LIPC: variants seen among roughly 807,000 people sequenced by gnomAD.
LIPC encodes the protein lipase C, hepatic type, also known as hepatic triacylglycerol lipase.
LIPC carries 44 observed loss-of-function variants against 50.7 expected under a neutral mutation model. The observed-to-expected ratio is 0.87, with a 90% CI of 0.68 to 1.11. The LOEUF is 1.11. Among genes scored for constraint, LIPC ranks in the 50% most tolerant of loss-of-function variants. The probability of loss-of-function intolerance (pLI) is 0.00; values close to 1 mark genes in which losing one functional copy is unlikely to be tolerated. For synonymous variants in LIPC, 271 were observed against 256.4 expected (o/e 1.06, Z -0.54); for missense variants, 697 against 648.2 (o/e 1.08, Z -0.82).
intron 7 of LIPC, 63 bp downstream of exon 7, chr15:58,561,044 G>T: frequency 1.2e-6 from 1 of 863,816 alleles, no homozygotes; most frequent in South Asian, 1.3e-5. Context: ...GAACATAAAT[G>T]GACTCTGTAA....
chr15:58,546,018 A>C, intron 5 of LIPC, 43 bp downstream of exon 5: 1 of 1,468,994 alleles, frequency 6.8e-7, no homozygotes, highest in Non-Finnish European at 9.5e-7. Flanking sequence ...CCTACATTTC[A>C]ATGGGGCCTC....
chr15:58,568,425 C>T (rs775487883), intron 8 of LIPC, among the ~76,000 whole-genome samples: 13 of 152,186 alleles, frequency 8.5e-5, no homozygotes, highest in Non-Finnish European at 1.5e-4. Context: ...CTCAAATCTT[C>T]GATGAGCTGT....
At chr15:58,482,936 A>C (rs916461002) in intron 1 of LIPC, among the ~76,000 whole-genome samples, 2 of 152,132 alleles carry the variant, frequency 1.3e-5, no homozygotes, top group Non-Finnish European at 2.9e-5. Flanking sequence ...CTGGGTGGTG[A>C]TTCCTGAGGC....
chr15:58,530,670 A>T (rs1162983140), intron 1 of LIPC, among the ~76,000 whole-genome samples: 2 of 151,902 alleles, frequency 1.3e-5, no homozygotes, highest in Non-Finnish European at 1.5e-5. Context: ...GTTAATCCCC[A>T]CCCCATTCCC....
intron 1 of LIPC, among the ~76,000 whole-genome samples, chr15:58,499,735 A>C (rs1891907562): frequency 6.6e-6 from 1 of 152,162 alleles, no homozygotes. Flanking sequence ...CGAAATGCTA[A>C]ATCTGTCTTC....
chr15:58,444,312 C>A (rs914206239), intron 1 of LIPC, among the ~76,000 whole-genome samples: 1 of 152,178 alleles, frequency 6.6e-6, no homozygotes, highest in Admixed American at 6.5e-5. Context: ...GGAAGATAAA[C>A]AAACGACCAG....
rs1336671279 is a variant in LIPC, at chr15:58,482,875, T to C, written c.88+50755T>C. 1.3e-5 allele frequency among the ~76,000 whole-genome samples: 2 copies of C among 152,198 alleles called. 1 individual carries two copies. The highest frequency in any genetic ancestry group is 4.8e-5 in the African/African-American group (2 of 41,450). On this transcript the variant is annotated intron_variant, in intron 1 of 8. Coordinates refer to ENST00000299022, the MANE Select transcript of LIPC (RefSeq NM_000236.3). ...CTGTATTTGAGGCCTGACTCTGCCA[T>C]TAACTGAGCCTCCTGGAGTGATTCG... is the stretch of plus-strand genomic sequence containing the variant.
intron 8 of LIPC, among the ~76,000 whole-genome samples, chr15:58,567,332 T>C (rs55958643): frequency 0.046 from 879 of 19,182 alleles, 14 homozygotes; most frequent in East Asian, 0.15. Context: ...TGTATATATA[T>C]ATATATGTAT....
chr15:58,556,976 C>T (rs1304713930), intron 6 of LIPC, among the ~76,000 whole-genome samples: 1 of 152,196 alleles, frequency 6.6e-6, no homozygotes. Flanking sequence ...ATCATAATTG[C>T]TGTTATTAGT....
intron 2 of LIPC, among the ~76,000 whole-genome samples, chr15:58,540,601 G>C (rs538168287): frequency 1.3e-5 from 2 of 152,044 alleles, no homozygotes; most frequent in South Asian, 4.2e-4. Flanking sequence ...AGGCCCTCAG[G>C]GGAGCTCTCC....
At chr15:58,501,641 A>T (rs1891988496) in intron 1 of LIPC, among the ~76,000 whole-genome samples, 1 of 152,218 alleles carries the variant, frequency 6.6e-6, no homozygotes. Context: ...CACAAGGAAG[A>T]GTACATTAAC....
At position 58,504,860 on chromosome 15, in the gene LIPC, G is replaced by A. The variant is rs567727011; in HGVS notation, c.89-33473G>A. Among the ~76,000 whole-genome samples, 6 of 152,234 alleles carry A rather than the reference G, an allele frequency of 3.9e-5. No homozygotes were observed. The South Asian group carries it at 8.3e-4, about 21-fold the overall frequency. On this transcript the variant is annotated intron_variant, in intron 1 of 8. Transcript: ENST00000299022. ...ATTATCCTATCTCGAGGAGAGCTGCGCATGCTGTACCCTGTTTTACATGGC... is the reference window on the plus strand; with the variant it reads ...ATTATCCTATCTCGAGGAGAGCTGCACATGCTGTACCCTGTTTTACATGGC...
Position 58,568,720 on chromosome 15 carries a change from A to C in LIPC, c.1393A>C (p.Thr465Pro), listed in dbSNP as rs1894465246. 2 of 1,577,492 alleles carry C rather than the reference A, an allele frequency of 1.3e-6. No individual in the cohort carries two copies. The highest frequency in any genetic ancestry group is 2.7e-5 in the African/African-American group (2 of 74,344). ...VKAGETQQRM[T>P]FCSENTDDLL... Reference sequence around the variant, plus strand: ...TGCTTCCTGTTTTCTATTCAGAATGACATTTTGTTCAGAAAACACAGATGA... The same window carrying C: ...TGCTTCCTGTTTTCTATTCAGAATGCCATTTTGTTCAGAAAACACAGATGA... The change falls in exon 9 of 9, where the codon ACA becomes CCA. Residue 465 changes from threonine (T) to proline (P), a missense_variant. Thr to Pro is a conservative substitution (Grantham distance 38). Transcript: ENST00000299022.
chr15:58,556,725 G>A (rs1319284419), intron 6 of LIPC, among the ~76,000 whole-genome samples: 1 of 152,148 alleles, frequency 6.6e-6, no homozygotes. Context: ...TAAATCACAT[G>A]TTTGGGACAA....
chr15:58,506,219 G>A (rs1192484494), intron 1 of LIPC, among the ~76,000 whole-genome samples: 1 of 152,202 alleles, frequency 6.6e-6, no homozygotes, highest in African/African-American at 2.4e-5. Flanking sequence ...GGGAGAGGCT[G>A]TGCAGAAAGG....
chr15:58,518,876 G>A (rs1277879769), intron 1 of LIPC, among the ~76,000 whole-genome samples: 1 of 151,764 alleles, frequency 6.6e-6, no homozygotes, highest in Non-Finnish European at 1.5e-5. Flanking sequence ...TGGTGGTTAC[G>A]GTGGTTGTAA....
intron 4 of LIPC, among the ~76,000 whole-genome samples, chr15:58,544,693 G>A (rs191860163): frequency 2.6e-5 from 4 of 152,252 alleles, no homozygotes; most frequent in East Asian, 3.9e-4. Flanking sequence ...CACCGCACCC[G>A]GCCAAGGACA....
chr15:58,459,966 C>G (rs968040086), intron 1 of LIPC, among the ~76,000 whole-genome samples: 1 of 152,210 alleles, frequency 6.6e-6, no homozygotes, highest in Non-Finnish European at 1.5e-5. Context: ...CAAGAACCTA[C>G]CTCTCCCTTT....
At chr15:58,564,938 A>G (rs775292563) in intron 8 of LIPC, among the ~76,000 whole-genome samples, 1 of 151,840 alleles carries the variant, frequency 6.6e-6, no homozygotes, top group Non-Finnish European at 1.5e-5. Context: ...CTCCTCTCCC[A>G]CCTTCACTTG....
Sources: gnomAD v4.1 joint callset for allele counts (sites outside exome capture counted in the v4.1 genomes callset) on GRCh38, gnomAD v4.1.1 for gene constraint, MANE v1.5 for transcripts, NCBI Gene and HGNC (gene_info 2026-07-23, HGNC 2026-07-21) for gene names.